Variants in CCT2 observed in about 807,000 individuals in gnomAD.
CCT2 encodes the protein T-complex protein 1 subunit beta.
CCT2 carries 18 observed loss-of-function variants against 61.8 expected under a neutral mutation model. The observed-to-expected ratio is 0.29, with a 90% confidence interval of 0.20 to 0.43. The LOEUF (loss-of-function observed/expected upper bound fraction) is 0.43, where lower values mean the gene tolerates loss of function less well. Ranked by LOEUF, CCT2 falls within the 20% of genes least tolerant of loss-of-function variation. The pLI, the probability that CCT2 is intolerant of heterozygous loss-of-function variation, is 1.00. For missense variants in CCT2, 556 were observed against 656.9 expected (o/e 0.85, Z 1.68); for synonymous variants, 248 against 215.9 (o/e 1.15, Z -1.30).
intron 7 of CCT2, among the ~76,000 whole-genome samples, chr12:69,590,195 A>C (rs1201613475): frequency 6.6e-6 from 1 of 152,222 alleles, no homozygotes. Context: ...CAGTATTTGC[A>C]GGATTTGAAA....
Position 69,601,424 on chromosome 12 carries a change from C to G in CCT2, c.*99C>G, listed in dbSNP as rs190694264. 6.2e-7 allele frequency: 1 copy of G among 1,604,746 alleles called. No individual in the cohort carries two copies. The highest frequency in any genetic ancestry group is 8.5e-7 in the Non-Finnish European group (1 of 1,176,850). On this transcript the variant is annotated 3_prime_UTR_variant, in exon 16 of 16. Coordinates refer to ENST00000299300, the MANE Select transcript of CCT2 (RefSeq NM_006431.3). ...GACTGTGGAATCTGTTTATCGGTGC[C>G]CATTATATCCTTAAGTTTGGATATT...
chr12:69,597,621 G>A lies in CCT2; in HGVS notation c.1103-17G>A, dbSNP rs1195350308. On this transcript the variant is annotated splice_polypyrimidine_tract_variant and intron_variant, in intron 11 of 15. Coordinates refer to ENST00000299300, the MANE Select transcript of CCT2 (RefSeq NM_006431.3). ...AACTTTTTATCCCTAAGTGGTCACTGTGTCTTTTAATTTTAGGTGAGGCTT... is the reference window on the plus strand; with the variant it reads ...AACTTTTTATCCCTAAGTGGTCACTATGTCTTTTAATTTTAGGTGAGGCTT... 1.9e-6 allele frequency: 3 copies of A among 1,609,296 alleles called. No individual in the cohort carries two copies. Among genetic ancestry groups the A allele is most frequent in the East Asian group, 4.5e-5 (2 of 44,846 alleles).
intron 7 of CCT2, among the ~76,000 whole-genome samples, chr12:69,590,248 A>G (rs555244296): frequency 5.9e-5 from 9 of 152,340 alleles, no homozygotes; most frequent in Non-Finnish European, 1.2e-4. Context: ...TGCTGGTTCC[A>G]GTCAGCCTGG....
At chr12:69,599,721 A>G (rs35642) in intron 14 of CCT2, 142 bp from the exon 15 acceptor site, 229,641 of 565,154 alleles carry the variant, frequency 0.41, 51,267 homozygotes, top group East Asian at 0.71. Context: ...CTTTGAGCTC[A>G]TTTGTAGGCT....
intron 7 of CCT2, among the ~76,000 whole-genome samples, chr12:69,591,318 G>A (rs1320695687): frequency 1.3e-5 from 2 of 152,210 alleles, no homozygotes; most frequent in African/African-American, 4.8e-5. Flanking sequence ...GACTAGGCTG[G>A]TAACTAGCAC....
chr12:69,600,566 A>G (rs1882119547), intron 15 of CCT2, among the ~76,000 whole-genome samples: 1 of 142,440 alleles, frequency 7.0e-6, no homozygotes, highest in Non-Finnish European at 1.5e-5. Context: ...CTTCTTTTTC[A>G]TATTCCTTAT....
At chr12:69,590,406 T>G (rs2135852352) in intron 7 of CCT2, among the ~76,000 whole-genome samples, 1 of 152,320 alleles carries the variant, frequency 6.6e-6, no homozygotes, top group South Asian at 2.1e-4. Flanking sequence ...CAAGAGGATC[T>G]AGTTCTTAAA....
Position 69,598,407 on chromosome 12 carries a change from C to G in CCT2, c.1421C>G (p.Thr474Ser), listed in dbSNP as rs917522595. The G allele has an allele frequency of 5.1e-5, 81 of 1,592,132 alleles. No individual in the cohort carries two copies. The highest frequency in any genetic ancestry group is 6.7e-5 in the Non-Finnish European group (78 of 1,169,098). ...AGGGCTGCTCACAGTGAAGGCAATA[C>G]CACTGCTGGATTGGGTAAGCAATCA... Reference protein sequence around the residue: ...QLRAAHSEGNTTAGLDMREGT... With the variant: ...QLRAAHSEGNSTAGLDMREGT... Residue 474 changes from threonine (T) to serine (S), a missense_variant, in exon 14 of 16, where the codon ACC becomes AGC. Physicochemically the swap from Thr to Ser is moderately conservative, Grantham distance 58. Coordinates refer to ENST00000299300, the MANE Select transcript of CCT2 (RefSeq NM_006431.3).
intron 4 of CCT2, 32 bp downstream of exon 4, chr12:69,587,648 A>G (rs1881705420): frequency 7.7e-7 from 1 of 1,306,278 alleles, no homozygotes; most frequent in Admixed American, 1.7e-5. Flanking sequence ...CACCAACCTA[A>G]TAATACTGTT....
At chr12:69,592,909 CAG>C in intron 8 of CCT2, 65 bp from the exon 9 acceptor site, 1 of 1,503,200 alleles carries the variant, frequency 6.7e-7, no homozygotes. Flanking sequence ...GCCTGGGCAA[CAG>C]AGCGAGACTC....
intron 7 of CCT2, among the ~76,000 whole-genome samples, chr12:69,590,171 G>A (rs1289425552): frequency 2.0e-5 from 3 of 152,168 alleles, no homozygotes; most frequent in East Asian, 1.9e-4. Flanking sequence ...GCAACCGAAC[G>A]TGGATGGAAA....
At chr12:69,587,149 T>C (rs1455685721) in intron 3 of CCT2, 5 of 320,498 alleles carry the variant, frequency 1.6e-5, no homozygotes, top group Non-Finnish European at 2.8e-5. Flanking sequence ...TGTAGCTTGC[T>C]CTTTTAAATT....
At position 69,589,427 on chromosome 12, in the gene CCT2, A is replaced by G. The variant is rs878965331; in HGVS notation, c.447-58A>G. The G allele has an allele frequency of 7.4e-5, 88 of 1,191,234 alleles. 2 individuals carry two copies. The South Asian group carries it at 7.7e-4, about 10-fold the overall frequency. 73.8% of individuals were successfully genotyped at this position (1,191,234 alleles called of 1,614,324 possible). ...AAATTATCTATTGACATGAATATCT[A>G]GATAAATTTTGAAAAGTAAAGTAGG... On this transcript the variant is annotated intron_variant, in intron 6 of 15. Transcript: ENST00000299300.
intron 14 of CCT2, among the ~76,000 whole-genome samples, chr12:69,598,895 T>TATCTAC (rs575399375): frequency 0.01 from 1,549 of 152,256 alleles, 31 homozygotes; most frequent in African/African-American, 0.035. Flanking sequence ...TATAGAGTAG[T>TATCTAC]CTTAAGAAGG....
At chr12:69,592,592 C>T (rs141652609) in intron 8 of CCT2, 2,002 of 187,764 alleles carry the variant, frequency 0.011, 13 homozygotes, top group Non-Finnish European at 0.013. Context: ...CATATATATA[C>T]GTTGGTAAAA....
intron 1 of CCT2, 120 bp from the exon 2 acceptor site, chr12:69,586,150 A>G (rs1881646865): frequency 8.8e-7 from 1 of 1,142,790 alleles, no homozygotes; most frequent in Non-Finnish European, 1.3e-6. Context: ...TTTGATTGAA[A>G]ACATTGTTGT....
chr12:69,589,168 ATCC>A (rs2135851219), intron 6 of CCT2: 2 of 361,338 alleles, frequency 5.5e-6, no homozygotes, highest in South Asian at 2.5e-5. Flanking sequence ...CAAGTGATCC[ATCC>A]TCCTCAGTCT....
chr12:69,597,543 C>G (rs1177632735), intron 11 of CCT2, 95 bp from the exon 12 acceptor site: 1 of 1,300,376 alleles, frequency 7.7e-7, no homozygotes, highest in African/African-American at 1.5e-5. Flanking sequence ...GAAGACAGGT[C>G]AGCTTTCAGA....
chr12:69,589,858 C>T (rs1224555105), intron 7 of CCT2, 171 bp downstream of exon 7: 3 of 601,722 alleles, frequency 5.0e-6, no homozygotes, highest in African/African-American at 1.9e-5. Flanking sequence ...ACTCCTCTTC[C>T]CGCGCTATTC....
Sources: allele counts gnomAD v4.1 joint callset (sites outside exome capture counted in the v4.1 genomes callset), GRCh38; gene constraint gnomAD v4.1.1; transcripts MANE v1.5; gene names NCBI Gene and HGNC (gene_info 2026-07-23, HGNC 2026-07-21).